The following KCNG3 variants were observed in gnomAD, a reference collection of about 807,000 sequenced individuals.
KCNG3 encodes voltage-gated potassium channel regulatory subunit KCNG3.
In KCNG3, 15 loss-of-function variants were observed where a neutral mutation model predicts 29.0. The observed-to-expected ratio is 0.52, with a 90% CI of 0.35 to 0.80. The LOEUF (loss-of-function observed/expected upper bound fraction) is 0.80, where lower values mean the gene tolerates loss of function less well. Among genes scored for constraint, KCNG3 ranks in the 30% least tolerant of loss-of-function variants. The pLI is 0.01. For synonymous variants in KCNG3, 322 were observed against 248.9 expected (o/e 1.29, Z -2.76); for missense variants, 512 against 605.7 (o/e 0.85, Z 1.62).
At chr2:42,467,539 A>G (rs960355803) in intron 1 of KCNG3, among the ~76,000 whole-genome samples, 3 of 151,400 alleles carry the variant, frequency 2.0e-5, no homozygotes, top group African/African-American at 7.3e-5. Flanking sequence ...ATGGTGGCAC[A>G]TGCCTGTAAT....
At chr2:42,464,212 A>G (rs1673087904) in intron 1 of KCNG3, among the ~76,000 whole-genome samples, 1 of 152,184 alleles carries the variant, frequency 6.6e-6, no homozygotes, top group African/African-American at 2.4e-5. Context: ...CTCACTGCAA[A>G]CATTAGGACA....
chr2:42,493,483 C>A lies in KCNG3; in HGVS notation c.19G>T (p.Gly7Trp). The A allele has an allele frequency of 2.1e-6, 3 of 1,418,052 alleles. No individual in the cohort carries two copies. Among genetic ancestry groups the A allele is most frequent in the East Asian group, 2.7e-5 (1 of 36,768 alleles). 87.8% of individuals were successfully genotyped at this position (1,418,052 alleles called of 1,614,324 possible). MTFGRSGAASVVLNVGG... is the reference protein window; with the variant it reads MTFGRSWAASVVLNVGG... ...ACGTTCAGCACCACCGAGGCCGCCC[C>A]GCTGCGCCCGAAGGTCATGGCTGGC... The change falls in exon 1 of 2, where the codon GGG becomes TGG. Residue 7 changes from glycine (G) to tryptophan (W), a missense_variant. By Grantham distance (184) the Gly-to-Trp change is radical. This residue lies in a region of KCNG3 where 18 missense variants were observed against 36.1 expected (regional missense o/e 0.50). Transcript: ENST00000306078.
At chr2:42,398,159 C>G in the KCNG3 span, among the ~76,000 whole-genome samples, 1 of 151,782 alleles carries the variant, frequency 6.6e-6, no homozygotes, top group Non-Finnish European at 1.5e-5. Context: ...GGAGGCGGAG[C>G]TTGCAGTGAG....
Position 42,444,939 on chromosome 2 carries a change from A to G in KCNG3, c.666-360T>C, listed in dbSNP as rs980523261. 6.6e-6 allele frequency among the ~76,000 whole-genome samples: 1 copy of G among 151,814 alleles called. No individual in the cohort carries two copies. The highest frequency in any genetic ancestry group is 2.4e-5 in the African/African-American group (1 of 41,326). ...AAATCAGCTGGGCTTGGTGACACAC[A>G]CCTGTAGTACCACCTACCTGGGAGG... On this transcript the variant is annotated intron_variant, in intron 1 of 1. Transcript: ENST00000306078. This position sits in a 1 kb window ranked among gnomAD's most constrained non-coding sequence, Gnocchi z 5.8.
At chr2:42,471,770 G>A (rs1195744566) in intron 1 of KCNG3, among the ~76,000 whole-genome samples, 1 of 151,582 alleles carries the variant, frequency 6.6e-6, no homozygotes, top group African/African-American at 2.4e-5. Context: ...TGTAATCCCA[G>A]CACTTTGGGA....
At chr2:42,425,219 A>G in the KCNG3 span, 2 of 151,072 alleles carry the variant, frequency 1.3e-5, no homozygotes, top group African/African-American at 4.9e-5. Flanking sequence ...CCAGCATGGC[A>G]AAAACCCGAC....
chr2:42,485,989 G>C (rs1249150698), intron 1 of KCNG3, among the ~76,000 whole-genome samples: 1 of 152,176 alleles, frequency 6.6e-6, no homozygotes, highest in African/African-American at 2.4e-5. Flanking sequence ...TTTAACAGGT[G>C]AGACAGTCCT....
intron 1 of KCNG3, among the ~76,000 whole-genome samples, chr2:42,460,021 A>G (rs1672977106): frequency 6.6e-6 from 1 of 151,902 alleles, no homozygotes; most frequent in Non-Finnish European, 1.5e-5. Flanking sequence ...AACCAGATGA[A>G]GGGTAAAACA....
intron 1 of KCNG3, among the ~76,000 whole-genome samples, chr2:42,447,812 C>G (rs767997467): frequency 6.6e-6 from 1 of 152,118 alleles, no homozygotes; most frequent in Admixed American, 6.5e-5. Flanking sequence ...ACTGGAATTA[C>G]AGGCATGAGC....
the KCNG3 span, among the ~76,000 whole-genome samples, chr2:42,396,838 T>A: frequency 6.6e-6 from 1 of 152,272 alleles, no homozygotes; most frequent in South Asian, 2.1e-4. Flanking sequence ...AAAAATTATG[T>A]TTACACAAGT....
intron 1 of KCNG3, among the ~76,000 whole-genome samples, chr2:42,453,569 T>A (rs530676428): frequency 1.3e-5 from 2 of 152,236 alleles, no homozygotes; most frequent in African/African-American, 4.8e-5. Context: ...TTTTTTTTCC[T>A]ATAGAGTTGT....
At chr2:42,420,015 G>T in the KCNG3 span, among the ~76,000 whole-genome samples, 1 of 152,112 alleles carries the variant, frequency 6.6e-6, no homozygotes, top group African/African-American at 2.4e-5. Context: ...CTGAGGTCAG[G>T]AGCTCGAGGC....
intron 1 of KCNG3, among the ~76,000 whole-genome samples, chr2:42,455,635 G>C (rs79628332): frequency 0.01 from 1,594 of 152,170 alleles, 24 homozygotes; most frequent in African/African-American, 0.037. Context: ...GCCAGTGTGG[G>C]GCATGTGCCT....
At chr2:42,483,154 T>G (rs1391427984) in intron 1 of KCNG3, among the ~76,000 whole-genome samples, 9 of 152,218 alleles carry the variant, frequency 5.9e-5, no homozygotes, top group Admixed American at 5.2e-4. Context: ...GCTGTTCTAT[T>G]TTTTTAATTA....
chr2:42,394,950 C>T, the KCNG3 span, among the ~76,000 whole-genome samples: 1 of 152,172 alleles, frequency 6.6e-6, no homozygotes, highest in Non-Finnish European at 1.5e-5. Context: ...TAGTACTGAG[C>T]AATTCATCTT....
the KCNG3 span, among the ~76,000 whole-genome samples, chr2:42,392,695 G>C: frequency 7.9e-5 from 12 of 151,744 alleles, no homozygotes; most frequent in South Asian, 1.9e-3. Context: ...ATATATATGG[G>C]AAAATAGGAA....
chr2:42,466,855 C>T (rs573677491), intron 1 of KCNG3, among the ~76,000 whole-genome samples: 36 of 150,524 alleles, frequency 2.4e-4, no homozygotes, highest in Non-Finnish European at 3.8e-4. Flanking sequence ...CGGGTTCAAG[C>T]GATTCTCCTG....
intron 1 of KCNG3, among the ~76,000 whole-genome samples, chr2:42,458,132 C>T (rs1050601436): frequency 3.3e-5 from 5 of 152,048 alleles, no homozygotes; most frequent in Admixed American, 6.6e-5. Context: ...CACATTTGGA[C>T]GGCCATTTCA....
At chr2:42,409,008 C>A in the KCNG3 span, among the ~76,000 whole-genome samples, 340 of 152,254 alleles carry the variant, frequency 2.2e-3, no homozygotes, top group African/African-American at 7.7e-3. Flanking sequence ...TCACAGAGAG[C>A]CAGTGCCTGT....
Sources: gnomAD v4.1 joint callset for allele counts (sites outside exome capture counted in the v4.1 genomes callset) on GRCh38, gnomAD v4.1.1 for gene constraint, gnomAD v4.1.1 regional missense constraint, Gnocchi (gnomAD v3.1) non-coding constraint, MANE v1.5 for transcripts, NCBI Gene and HGNC (gene_info 2026-07-23, HGNC 2026-07-21) for gene names.